PAPSS2: variants seen among roughly 807,000 people sequenced by gnomAD.
The protein encoded by PAPSS2 is 3'-phosphoadenosine 5'-phosphosulfate synthase 2, also known as bifunctional 3'-phosphoadenosine 5'-phosphosulfate synthase 2.
A neutral mutation model predicts 66.5 loss-of-function variants in PAPSS2; 61 were observed. The ratio of observed to expected loss-of-function variants is 0.92; its 90% CI spans 0.75 to 1.14. PAPSS2 has a LOEUF of 1.14. Among genes scored for constraint, PAPSS2 ranks in the 50% most tolerant of loss-of-function variants. The probability of loss-of-function intolerance (pLI) is 0.00; values close to 1 mark genes in which losing one functional copy is unlikely to be tolerated. For missense variants in PAPSS2, 708 were observed against 789.6 expected (o/e 0.90, Z 1.24); for synonymous variants, 289 against 287.5 (o/e 1.01, Z -0.05).
At chr10:87,742,021 G>A (rs1164195545) in intron 10 of PAPSS2, among the ~76,000 whole-genome samples, 1 of 152,162 alleles carries the variant, frequency 6.6e-6, no homozygotes, top group South Asian at 2.1e-4. Context: ...GCCTCCCAAA[G>A]TGCTGGGATT....
intron 1 of PAPSS2, among the ~76,000 whole-genome samples, chr10:87,693,478 C>G (rs187191232): frequency 6.6e-6 from 1 of 152,170 alleles, no homozygotes. Context: ...CCGAAGGACT[C>G]TTTCAGTTCA....
At chr10:87,712,975 T>G (rs1853480798) in intron 2 of PAPSS2, 100 bp from the exon 3 acceptor site, 1 of 727,776 alleles carries the variant, frequency 1.4e-6, no homozygotes. Context: ...TTTTTTTTTT[T>G]TTTAAGATTT....
chr10:87,702,447 C>T (rs965513297), intron 1 of PAPSS2, among the ~76,000 whole-genome samples: 1 of 152,316 alleles, frequency 6.6e-6, no homozygotes, highest in African/African-American at 2.4e-5. Context: ...AAGTGGAGCT[C>T]CTACCATGGG....
chr10:87,724,751 A>G (rs1031115818), intron 8 of PAPSS2, among the ~76,000 whole-genome samples: 4 of 149,392 alleles, frequency 2.7e-5, no homozygotes, highest in Non-Finnish European at 5.9e-5. Flanking sequence ...TCTGAATTAT[A>G]TAATATTTCT....
intron 7 of PAPSS2, among the ~76,000 whole-genome samples, chr10:87,719,943 T>G (rs11596283): frequency 0.5 from 76,044 of 151,774 alleles, 19,977 homozygotes; most frequent in East Asian, 0.71. Flanking sequence ...TGGAGTGCAG[T>G]GGCGCGATCT....
At chr10:87,725,299 C>G (rs1853645069) in intron 8 of PAPSS2, among the ~76,000 whole-genome samples, 1 of 152,160 alleles carries the variant, frequency 6.6e-6, no homozygotes, top group South Asian at 2.1e-4. Context: ...TGTCATTGGA[C>G]ATTTCTTGCT....
intron 1 of PAPSS2, among the ~76,000 whole-genome samples, chr10:87,700,695 T>G (rs1429867632): frequency 1.3e-5 from 2 of 151,870 alleles, no homozygotes; most frequent in East Asian, 3.8e-4. Context: ...AATTTTATAT[T>G]TTTGAAATTT....
Position 87,745,636 on chromosome 10 carries a change from G to A in PAPSS2, c.1722-196G>A, listed in dbSNP as rs543645088. 1.5e-3 allele frequency among the ~76,000 whole-genome samples: 236 copies of A among 152,286 alleles called. 1 individual carries two copies. Among genetic ancestry groups the A allele is most frequent in the African/African-American group, 5.4e-3 (223 of 41,560 alleles). On this transcript the variant is annotated intron_variant, in intron 12 of 12. Transcript: ENST00000456849. Reference sequence around the variant, plus strand: ...TTCCCAGGAACAGTATAGGCGCATGGCAAATACTAAATGGATAGCTGCCAT... The same window carrying A: ...TTCCCAGGAACAGTATAGGCGCATGACAAATACTAAATGGATAGCTGCCAT...
chr10:87,665,858 T>C (rs757502791), intron 1 of PAPSS2, among the ~76,000 whole-genome samples: 13 of 152,202 alleles, frequency 8.5e-5, no homozygotes, highest in East Asian at 5.8e-4. Flanking sequence ...CCCATAAGGA[T>C]AAAAGTGCCT....
chr10:87,729,695 A>T (rs894346742), intron 9 of PAPSS2, among the ~76,000 whole-genome samples: 2 of 152,194 alleles, frequency 1.3e-5, no homozygotes, highest in Non-Finnish European at 2.9e-5. Context: ...TGAGGAAGGC[A>T]TGTAGAAAGC....
At chr10:87,708,817 G>A (rs1414907355) in intron 1 of PAPSS2, among the ~76,000 whole-genome samples, 1 of 152,150 alleles carries the variant, frequency 6.6e-6, no homozygotes. Context: ...ATATGCAATT[G>A]CATTATAATT....
chr10:87,660,923 T>TA (rs1852744449), intron 1 of PAPSS2: 1 of 453,492 alleles, frequency 2.2e-6, no homozygotes, highest in Non-Finnish European at 4.4e-6. Flanking sequence ...CAAGCCTTGA[T>TA]AAAATCCTAC....
intron 3 of PAPSS2, 121 bp from the exon 4 acceptor site, chr10:87,713,923 C>A: frequency 2.0e-6 from 2 of 1,022,694 alleles, no homozygotes; most frequent in Non-Finnish European, 3.0e-6. Flanking sequence ...CTCAAGCACT[C>A]TGCAAAGCAC....
chr10:87,742,324 T>A (rs1853880019), intron 10 of PAPSS2, among the ~76,000 whole-genome samples: 1 of 152,200 alleles, frequency 6.6e-6, no homozygotes, highest in Non-Finnish European at 1.5e-5. Context: ...AACCTACTTC[T>A]GTGCATAGTG....
chr10:87,667,679 G>T lies in PAPSS2; in HGVS notation c.27+7671G>T, dbSNP rs1852830260. Among the ~76,000 whole-genome samples the T allele has an allele frequency of 2.0e-5, 3 of 152,102 alleles. No homozygotes were observed. In the South Asian group the frequency reaches 6.2e-4, roughly 32 times the overall value. ...TACTGAAGTTGATTTTGCTGTAATT[G>T]ATATTGTGCAAGCACGACTGTAATA... On this transcript the variant is annotated intron_variant, in intron 1 of 12. Transcript: ENST00000456849.
At chr10:87,737,408 A>C (rs559274628) in intron 9 of PAPSS2, among the ~76,000 whole-genome samples, 1 of 152,248 alleles carries the variant, frequency 6.6e-6, no homozygotes, top group South Asian at 2.1e-4. Context: ...AGAACATAAA[A>C]ATTATCATCT....
rs560333289 is a variant in PAPSS2, at chr10:87,727,385, C to T, written c.982C>T (p.Arg328Trp). Reference sequence around the variant, plus strand: ...CAAGTTTGTCCTGGCACATGGTGGACGGAGGGTAGCTATCTTACGAGACGC... The same window carrying T: ...CAAGTTTGTCCTGGCACATGGTGGATGGAGGGTAGCTATCTTACGAGACGC... ...CSKFVLAHGG[R>W]RVAILRDAEF... The change falls in exon 9 of 13, where the codon CGG becomes TGG. Residue 328 changes from arginine (R) to tryptophan (W), a missense_variant. Physicochemically the swap from Arg to Trp is moderately radical, Grantham distance 101. Coordinates refer to ENST00000456849, the MANE Select transcript of PAPSS2 (RefSeq NM_001015880.2). 90 of 1,613,742 alleles carry T rather than the reference C, an allele frequency of 5.6e-5. No homozygotes were observed. The highest frequency in any genetic ancestry group is 6.7e-5 in the Non-Finnish European group (79 of 1,179,928).
rs1853954205 is a variant in PAPSS2, at chr10:87,747,327, TA to T, written c.*1358del. ...AGTGAAGAAACAGCACCTTTTAATA[TA>T]TAGGTCTCTCTGGAAGAGACCTAAA... On this transcript the variant is annotated 3_prime_UTR_variant, in exon 13 of 13. Coordinates refer to ENST00000456849, the MANE Select transcript of PAPSS2 (RefSeq NM_001015880.2). The T allele has an allele frequency of 6.6e-6, 1 of 152,200 alleles. No homozygotes were observed. Among genetic ancestry groups the T allele is most frequent in the African/African-American group, 2.4e-5 (1 of 41,454 alleles). 9.4% of individuals were successfully genotyped at this position (152,200 alleles called of 1,614,324 possible). A position where few individuals can be genotyped will look rare whatever the true frequency, so the allele number is the denominator to read the frequency against.
At chr10:87,737,442 T>G (rs1277976364) in intron 9 of PAPSS2, among the ~76,000 whole-genome samples, 1 of 152,042 alleles carries the variant, frequency 6.6e-6, no homozygotes, top group African/African-American at 2.4e-5. Context: ...AGTGTGCAAC[T>G]CAGTAATGTT....
Sources: allele counts gnomAD v4.1 joint callset (sites outside exome capture counted in the v4.1 genomes callset), GRCh38; gene constraint gnomAD v4.1.1; transcripts MANE v1.5; gene names NCBI Gene and HGNC (gene_info 2026-07-23, HGNC 2026-07-21).